The following PDE6B variants were observed in gnomAD, a reference collection of about 807,000 sequenced individuals.
The protein encoded by PDE6B is phosphodiesterase 6B.
In PDE6B, 106 loss-of-function variants were observed where a neutral mutation model predicts 109.0. The observed-to-expected ratio is 0.97, with a 90% CI of 0.83 to 1.14. The LOEUF is 1.14. PDE6B is among the 50% of genes most tolerant of loss of function. The probability of loss-of-function intolerance (pLI) is 0.00; values close to 1 mark genes in which losing one functional copy is unlikely to be tolerated. For missense variants in PDE6B, 1,193 were observed against 1,155.6 expected (o/e 1.03, Z -0.47); for synonymous variants, 490 against 471.3 (o/e 1.04, Z -0.51).
Position 657,439 on chromosome 4 carries a change from A to G in PDE6B, c.1346A>G (p.Gln449Arg). Residue 449 changes from glutamine to arginine, a missense_variant, in exon 10 of 22, where the codon CAG (glutamine) becomes CGG (arginine). Physicochemically the swap from Gln to Arg is conservative, Grantham distance 43. Transcript: ENST00000496514. The part of the protein sequence containing the change: ...NKLENRKDIA[Q>R]DMVLYHVKCD... ...CTGGAGAACCGCAAGGACATCGCAC[A>G]GGACATGGTCCTTTACCACGTGAAG... 1 of 1,613,304 alleles carries G rather than the reference A, an allele frequency of 6.2e-7. No individual in the cohort carries two copies. Among genetic ancestry groups the G allele is most frequent in the East Asian group, 2.2e-5 (1 of 44,886 alleles).
chr4:647,612 T>G (rs1560111564), intron 3 of PDE6B, among the ~76,000 whole-genome samples: 1 of 151,958 alleles, frequency 6.6e-6, no homozygotes. Context: ...TAAGGGCACG[T>G]CTCGTAGGGG....
rs746506904 is a variant in PDE6B, at chr4:656,321, T to C, written c.1107+29T>C. ...TCTGTCTGTGCCTTGGTAGAAATTATACTTACTTACAAAAGAGGAGATTTT... is the reference window on the plus strand; with the variant it reads ...TCTGTCTGTGCCTTGGTAGAAATTACACTTACTTACAAAAGAGGAGATTTT... On this transcript the variant is annotated intron_variant, in intron 8 of 21. Transcript: ENST00000496514. 3.6e-6 allele frequency: 5 copies of C among 1,372,382 alleles called. No homozygotes were observed. The African/African-American group carries it at 4.3e-5, about 12-fold the overall frequency. The allele number at this position is 1,372,382 out of a possible 1,614,324, so 85.0% of individuals were successfully genotyped here.
intron 3 of PDE6B, among the ~76,000 whole-genome samples, chr4:641,554 G>A (rs1734944956): frequency 6.6e-6 from 1 of 152,226 alleles, no homozygotes. Flanking sequence ...TGTGCGGCAG[G>A]GGCAGGCCAC....
At chr4:650,353 GC>G (rs1271195340) in intron 3 of PDE6B, among the ~76,000 whole-genome samples, 3 of 152,142 alleles carry the variant, frequency 2.0e-5, no homozygotes, top group African/African-American at 4.8e-5. Flanking sequence ...TGGGTGTCCG[GC>G]CCCCCCTGTC....
At chr4:664,456 G>C (rs1737546586) in intron 17 of PDE6B, among the ~76,000 whole-genome samples, 1 of 152,210 alleles carries the variant, frequency 6.6e-6, no homozygotes, top group African/African-American at 2.4e-5. Context: ...GCCCTTGGCA[G>C]TAACTTACTT....
chr4:643,808 CTTGT>C (rs1388119095), intron 3 of PDE6B, among the ~76,000 whole-genome samples: 3 of 149,076 alleles, frequency 2.0e-5, no homozygotes, highest in African/African-American at 7.6e-5. Context: ...GATCTTTCTT[CTTGT>C]TTATTATGTG....
chr4:649,484 G>A lies in PDE6B; in HGVS notation c.712-4368G>A, dbSNP rs561749848. On this transcript the variant is annotated intron_variant, in intron 3 of 21. Transcript: ENST00000496514. The stretch of plus-strand genomic sequence containing the variant: ...CCGTCCTAGCGACCAGGCCTCCAAG[G>A]GACGCTGGGGCCACCTGCTGCTGCT... 9.9e-5 allele frequency among the ~76,000 whole-genome samples: 15 copies of A among 152,268 alleles called. No homozygotes were observed. The South Asian group carries it at 2.9e-3, about 29-fold the overall frequency.
At position 659,622 on chromosome 4, in the gene PDE6B, ATGTGCACATGTGTACACATGTG is replaced by A. The variant is rs762137960; in HGVS notation, c.1467+619_1467+640del. On this transcript the variant is annotated intron_variant, in intron 11 of 21. Coordinates refer to ENST00000496514, the MANE Select transcript of PDE6B (RefSeq NM_000283.4). ...GTGTGTGCGTGTGTGCATTGTATGA[ATGTGCACATGTGTACACATGTG>A]TGTGCACATGTGTGCCCACGAGTAT... Among the ~76,000 whole-genome samples the A allele has an allele frequency of 1.7e-3, 243 of 145,908 alleles. 1 individual carries two copies. Among genetic ancestry groups the A allele is most frequent in the Non-Finnish European group, 1.2e-3 (80 of 65,900 alleles).
At chr4:634,254 G>C (rs1577244217) in intron 1 of PDE6B, among the ~76,000 whole-genome samples, 2 of 152,330 alleles carry the variant, frequency 1.3e-5, no homozygotes, top group South Asian at 2.1e-4. Flanking sequence ...TCAGGGAAGA[G>C]TGTAGGAGTG....
At chr4:649,951 G>A (rs568071406) in intron 3 of PDE6B, among the ~76,000 whole-genome samples, 5 of 152,256 alleles carry the variant, frequency 3.3e-5, no homozygotes, top group East Asian at 3.9e-4. Flanking sequence ...CTGAGTACAC[G>A]GGGTGGCCAC....
intron 3 of PDE6B, chr4:653,443 GGCGGAGGCCACAGGCGGCCTGACGT>G (rs1476442517): frequency 3.9e-6 from 3 of 763,380 alleles, no homozygotes; most frequent in Non-Finnish European, 5.4e-6. Context: ...TCAGACGCTT[GGCGGAGGCCACAGGCGGCCTGACGT>G]GCGGAAACCA....
At chr4:660,123 G>A (rs1736887823) in intron 11 of PDE6B, among the ~76,000 whole-genome samples, 1 of 152,138 alleles carries the variant, frequency 6.6e-6, no homozygotes, top group South Asian at 2.1e-4. Context: ...GAGTGGCCGT[G>A]TATCCAGGTG....
At position 670,195 on chromosome 4, in the gene PDE6B, T is replaced by C; in HGVS notation, c.*88T>C. 3 of 1,605,500 alleles carry C rather than the reference T, an allele frequency of 1.9e-6. No homozygotes were observed. The highest frequency in any genetic ancestry group is 2.6e-6 in the Non-Finnish European group (3 of 1,175,364). On this transcript the variant is annotated 3_prime_UTR_variant, in exon 22 of 22. Transcript: ENST00000496514. ...CCTGTGGCTATTTGCTACAAGAGGTTAGGAAGCCCAAGAAAATGACTGAAG... is the reference window on the plus strand; with the variant it reads ...CCTGTGGCTATTTGCTACAAGAGGTCAGGAAGCCCAAGAAAATGACTGAAG...
rs1006036581 is a variant in PDE6B at position 658,511 on chromosome 4, CTG to C, written c.1402-438_1402-437del. On this transcript the variant is annotated intron_variant, in intron 10 of 21. Coordinates refer to ENST00000496514, the MANE Select transcript of PDE6B (RefSeq NM_000283.4). Reference sequence around the variant, plus strand: ...GGTCACCCAGGGGTCACGGCTCCCTCTGTGCAGTGGGCGGCCAGGTTACCCAG... The same window carrying C: ...GGTCACCCAGGGGTCACGGCTCCCTCTGCAGTGGGCGGCCAGGTTACCCAG... 2.2e-4 allele frequency among the ~76,000 whole-genome samples: 34 copies of C among 151,830 alleles called. 1 individual carries two copies. The highest frequency in any genetic ancestry group is 8.0e-4 in the African/African-American group (33 of 41,386).
chr4:662,761 G>T lies in PDE6B; in HGVS notation c.1832+143G>T. 1.4e-6 allele frequency: 1 copy of T among 701,428 alleles called. No individual in the cohort carries two copies. Among genetic ancestry groups the T allele is most frequent in the Non-Finnish European group, 2.6e-6 (1 of 385,948 alleles). 43.5% of individuals were successfully genotyped at this position (701,428 alleles called of 1,614,324 possible). A position where few individuals can be genotyped will look rare whatever the true frequency, so the allele number is the denominator to read the frequency against. On this transcript the variant is annotated intron_variant, in intron 14 of 21. Coordinates refer to ENST00000496514, the MANE Select transcript of PDE6B (RefSeq NM_000283.4). The surrounding 1 kb of genome is among the most constrained non-coding windows in gnomAD (Gnocchi z 4.3). ...CTCCAGCACTGTGGGAGGCCAAGGC[G>T]AGGGGATTGCTTGAGCCCAGGAGTT...
chr4:636,106 G>A lies in PDE6B; in HGVS notation c.711+137G>A, dbSNP rs1053869516. On this transcript the variant is annotated intron_variant, in intron 3 of 21. Coordinates refer to ENST00000496514, the MANE Select transcript of PDE6B (RefSeq NM_000283.4). The surrounding 1 kb of genome is among the most constrained non-coding windows in gnomAD (Gnocchi z 4.5). ...GTCCTGGGGTGGGCATTGCTCAGGG[G>A]AGAGGAGGGCTCCATGGCTTCTGTG... is the stretch of plus-strand genomic sequence containing the variant. 3 of 670,172 alleles carry A rather than the reference G, an allele frequency of 4.5e-6. No homozygotes were observed. The highest frequency in any genetic ancestry group is 4.2e-5 in the Admixed American group (2 of 47,216). 41.5% of individuals were successfully genotyped at this position (670,172 alleles called of 1,614,324 possible). A position where few individuals can be genotyped will look rare whatever the true frequency, so the allele number is the denominator to read the frequency against.
chr4:654,421 C>T, intron 5 of PDE6B: 1 of 627,998 alleles, frequency 1.6e-6, no homozygotes, highest in Non-Finnish European at 2.9e-6. Flanking sequence ...CTCCTGCTGC[C>T]CCATCTCCCC....
At chr4:647,596 G>A (rs75817171) in intron 3 of PDE6B, among the ~76,000 whole-genome samples, 4 of 152,070 alleles carry the variant, frequency 2.6e-5, no homozygotes, top group East Asian at 3.9e-4. Context: ...CTGTGTCCTC[G>A]TCCCATAAGG....
chr4:650,566 G>A (rs1267768172), intron 3 of PDE6B, among the ~76,000 whole-genome samples: 5 of 152,222 alleles, frequency 3.3e-5, no homozygotes, highest in African/African-American at 4.8e-5. Context: ...TCAGGGCACC[G>A]AGGGGACAGA....
Sources: allele counts gnomAD v4.1 joint callset (sites outside exome capture counted in the v4.1 genomes callset), GRCh38; gene constraint gnomAD v4.1.1; non-coding constraint Gnocchi (gnomAD v3.1); transcripts MANE v1.5; gene names NCBI Gene and HGNC (gene_info 2026-07-23, HGNC 2026-07-21).